ACTR1A: variants seen among roughly 807,000 people sequenced by gnomAD.
The protein encoded by ACTR1A is alpha-centractin.
Under a neutral mutation model 50.7 loss-of-function variants are expected in ACTR1A, and 10 were observed. The ratio of observed to expected loss-of-function variants is 0.20; its 90% CI spans 0.12 to 0.33. The LOEUF (loss-of-function observed/expected upper bound fraction) is 0.33, where lower values mean the gene tolerates loss of function less well. Ranked by LOEUF, ACTR1A falls within the 10% of genes least tolerant of loss-of-function variation. ACTR1A has a pLI of 1.00. For missense variants in ACTR1A, 253 were observed against 491.7 expected (o/e 0.51, Z 4.59); for synonymous variants, 177 against 184.2 (o/e 0.96, Z 0.32).
In ACTR1A at chr10:102,481,187, G is replaced by T. The variant is rs532984921; in HGVS notation, c.988-15C>A. On this transcript the variant is annotated splice_polypyrimidine_tract_variant and intron_variant, in intron 9 of 10. Coordinates refer to ENST00000369905, the MANE Select transcript of ACTR1A (RefSeq NM_005736.4). ...GGTGCAGATATCTGCAAAGGTGGGG[G>T]AAAGAGGAATCTGAGACTTCCAGCC... 3 of 1,575,888 alleles carry T rather than the reference G, an allele frequency of 1.9e-6. No individual in the cohort carries two copies. In the East Asian group the frequency reaches 6.8e-5, roughly 35 times the overall value.
At chr10:102,492,293 A>G (rs1309648117) in intron 1 of ACTR1A, among the ~76,000 whole-genome samples, 1 of 131,924 alleles carries the variant, frequency 7.6e-6, no homozygotes, top group Non-Finnish European at 1.6e-5. Flanking sequence ...CTGGTCTCGA[A>G]CTCCTGACCT....
intron 1 of ACTR1A, among the ~76,000 whole-genome samples, chr10:102,497,622 TA>T (rs910104499): frequency 2.0e-5 from 3 of 149,718 alleles, no homozygotes; most frequent in Non-Finnish European, 3.0e-5. Flanking sequence ...AATTAAAAAT[TA>T]AAAAAAATCA....
rs1179611222 is a variant in ACTR1A at position 102,484,157 on chromosome 10, T to C, written c.657+3A>G. 1.4e-5 allele frequency: 22 copies of C among 1,613,954 alleles called. No individual in the cohort carries two copies. The highest frequency in any genetic ancestry group is 1.7e-5 in the Non-Finnish European group (20 of 1,179,968). ...ATCCCTAGGCCCAGGGGGCAGCACTTACTTCTTTTATGGCCTTGACAATCT... is the reference window on the plus strand; with the variant it reads ...ATCCCTAGGCCCAGGGGGCAGCACTCACTTCTTTTATGGCCTTGACAATCT... On this transcript the variant is annotated splice_donor_region_variant and intron_variant, in intron 6 of 10. Coordinates refer to ENST00000369905, the MANE Select transcript of ACTR1A (RefSeq NM_005736.4).
chr10:102,491,857 C>A (rs955197719), intron 1 of ACTR1A, among the ~76,000 whole-genome samples: 10 of 152,066 alleles, frequency 6.6e-5, no homozygotes, highest in Non-Finnish European at 1.5e-5. Context: ...GCTCTGCCTC[C>A]CAGGTTCATG....
At chr10:102,490,497 C>G in intron 2 of ACTR1A, 52 bp downstream of exon 2, 1 of 1,478,750 alleles carries the variant, frequency 6.8e-7, no homozygotes, top group South Asian at 1.1e-5. Context: ...AGGGCTGGGC[C>G]TGTAACAAAG....
Position 102,479,514 on chromosome 10 carries a change from G to C in ACTR1A, c.*1349C>G, listed in dbSNP as rs569672333. On this transcript the variant is annotated 3_prime_UTR_variant, in exon 11 of 11. Coordinates refer to ENST00000369905, the MANE Select transcript of ACTR1A (RefSeq NM_005736.4). This position sits in a 1 kb window ranked among gnomAD's most constrained non-coding sequence, Gnocchi z 4.0. Reference sequence around the variant, plus strand: ...CAGGTGAGGGTGCCGGTGAAGACAGGCTGGCCCCAGCTTTGCACCATCTAG... The same window carrying C: ...CAGGTGAGGGTGCCGGTGAAGACAGCCTGGCCCCAGCTTTGCACCATCTAG... 7.9e-5 allele frequency: 68 copies of C among 861,592 alleles called. No individual in the cohort carries two copies. In the South Asian group the frequency reaches 9.3e-4, roughly 12 times the overall value. 53.4% of individuals were successfully genotyped at this position (861,592 alleles called of 1,614,324 possible).
In ACTR1A at chr10:102,479,437, C is replaced by T. The variant is rs1239980584; in HGVS notation, c.*1426G>A. ...GCAGGGGCCTTTGGTCATAGGACGG[C>T]GTGGGGGAGAATACTGTGTGAAGTC... is the stretch of plus-strand genomic sequence containing the variant. On this transcript the variant is annotated 3_prime_UTR_variant, in exon 11 of 11. Transcript: ENST00000369905. This position sits in a 1 kb window ranked among gnomAD's most constrained non-coding sequence, Gnocchi z 4.0. The T allele has an allele frequency of 2.5e-5, 10 of 396,606 alleles. No homozygotes were observed. Among genetic ancestry groups the T allele is most frequent in the Non-Finnish European group, 3.7e-5 (8 of 214,394 alleles). 24.6% of individuals were successfully genotyped at this position (396,606 alleles called of 1,614,324 possible). A position where few individuals can be genotyped will look rare whatever the true frequency, so the allele number is the denominator to read the frequency against.
At chr10:102,493,276 A>T (rs964564722) in intron 1 of ACTR1A, among the ~76,000 whole-genome samples, 1 of 152,122 alleles carries the variant, frequency 6.6e-6, no homozygotes, top group Admixed American at 6.6e-5. Flanking sequence ...CAAGGGGGGA[A>T]CTCCTAGAAC....
chr10:102,489,176 T>C (rs1589962119), intron 2 of ACTR1A, 38 bp from the exon 3 acceptor site: 1 of 1,477,286 alleles, frequency 6.8e-7, no homozygotes, highest in Non-Finnish European at 9.2e-7. Flanking sequence ...ATTTTTCATT[T>C]CATGACAGAA....
intron 1 of ACTR1A, among the ~76,000 whole-genome samples, chr10:102,496,574 C>T (rs2062223631): frequency 1.3e-5 from 2 of 152,186 alleles, no homozygotes; most frequent in African/African-American, 2.4e-5. Flanking sequence ...TTATAAGTCA[C>T]CTCTTCTTCA....
At chr10:102,493,830 A>G (rs2062206710) in intron 1 of ACTR1A, among the ~76,000 whole-genome samples, 1 of 152,270 alleles carries the variant, frequency 6.6e-6, no homozygotes, top group Non-Finnish European at 1.5e-5. Context: ...ACTGGCAGAT[A>G]GAACCTAAAG....
At position 102,502,661 on chromosome 10, in the gene ACTR1A, C is replaced by G. The variant is rs1299821690; in HGVS notation, c.-14G>C. 1 of 1,614,208 alleles carries G rather than the reference C, an allele frequency of 6.2e-7. No homozygotes were observed. The highest frequency in any genetic ancestry group is 1.7e-5 in the Admixed American group (1 of 60,030). On this transcript the variant is annotated 5_prime_UTR_variant, in exon 1 of 11. Transcript: ENST00000369905. ...GTAGGACTCCATGGCAGAGGAATCT[C>G]TCCTTCTGGGGAAGGAACTGCCCAG...
rs1298961178 is a variant in ACTR1A, at chr10:102,480,372, G to C, written c.*491C>G. ...CCAAACCAAAATGGCAACAAAACCAGACAGAACTCAACCCCAGTCCCAGTC... is the reference window on the plus strand; with the variant it reads ...CCAAACCAAAATGGCAACAAAACCACACAGAACTCAACCCCAGTCCCAGTC... On this transcript the variant is annotated 3_prime_UTR_variant, in exon 11 of 11. Coordinates refer to ENST00000369905, the MANE Select transcript of ACTR1A (RefSeq NM_005736.4). The C allele has an allele frequency of 5.9e-6, 1 of 169,772 alleles. No homozygotes were observed. The highest frequency in any genetic ancestry group is 1.3e-5 in the Non-Finnish European group (1 of 77,820). 10.5% of individuals were successfully genotyped at this position (169,772 alleles called of 1,614,324 possible). A position where few individuals can be genotyped will look rare whatever the true frequency, so the allele number is the denominator to read the frequency against.
Position 102,482,044 on chromosome 10 carries a change from A to G in ACTR1A, c.882T>C (p.Leu294=), listed in dbSNP as rs2062145419. 1.2e-6 allele frequency: 2 copies of G among 1,614,070 alleles called. No individual in the cohort carries two copies. Among genetic ancestry groups the G allele is most frequent in the African/African-American group, 2.7e-5 (2 of 74,920 alleles). The change falls in exon 8 of 11, where the codon CTT becomes CTC. Residue 294 remains leucine (L), a synonymous_variant. Transcript: ENST00000369905. This position sits in a 1 kb window ranked among gnomAD's most constrained non-coding sequence, Gnocchi z 5.6. The part of the protein sequence containing the change: ...QKSDMDLRRT[L]FSNIVLSGGS... ...CTCCTGAGAGGACAATGTTAGAGAA[A>G]AGCGTGCGCCGCAGGTCCATGTCTG...
intron 1 of ACTR1A, among the ~76,000 whole-genome samples, chr10:102,495,294 G>T (rs1302758382): frequency 3.9e-5 from 6 of 151,976 alleles, no homozygotes; most frequent in Admixed American, 3.9e-4. Flanking sequence ...ATAAGGCCAG[G>T]CGCAGTAGCT....
chr10:102,483,990 GA>G (rs1459120567), intron 6 of ACTR1A, 169 bp downstream of exon 6: 2 of 614,466 alleles, frequency 3.3e-6, no homozygotes, highest in African/African-American at 3.7e-5. Flanking sequence ...AGCACGTCAG[GA>G]AGGCGAATCT....
intron 6 of ACTR1A, chr10:102,483,546 TAAAA>T (rs952111015): frequency 6.3e-6 from 1 of 158,186 alleles, no homozygotes; most frequent in Admixed American, 6.1e-5. Context: ...AAAATAAAAA[TAAAA>T]AAACCAGGAG....
At chr10:102,501,129 C>T (rs1392355671) in intron 1 of ACTR1A, among the ~76,000 whole-genome samples, 3 of 150,948 alleles carry the variant, frequency 2.0e-5, no homozygotes, top group African/African-American at 7.3e-5. Flanking sequence ...CTGCCCCTTT[C>T]TAAGGGGGAA....
chr10:102,502,493 G>T, intron 1 of ACTR1A, 107 bp downstream of exon 1: 1 of 1,271,334 alleles, frequency 7.9e-7, no homozygotes. Flanking sequence ...GCGCCTGACA[G>T]GCCGGGCCAG....
Sources: allele counts gnomAD v4.1 joint callset (sites outside exome capture counted in the v4.1 genomes callset), GRCh38; gene constraint gnomAD v4.1.1; non-coding constraint Gnocchi (gnomAD v3.1); transcripts MANE v1.5; gene names NCBI Gene and HGNC (gene_info 2026-07-23, HGNC 2026-07-21).